Variants in GPM6A observed in about 807,000 individuals in gnomAD.
GPM6A encodes the protein neuronal membrane glycoprotein M6-a.
Under a neutral mutation model 32.1 loss-of-function variants are expected in GPM6A, and 7 were observed. The ratio of observed to expected loss-of-function variants is 0.22; its 90% confidence interval spans 0.12 to 0.41. The LOEUF is 0.41. Ranked by LOEUF, GPM6A falls within the 10% of genes least tolerant of loss-of-function variation. GPM6A has a pLI of 1.00. For missense variants in GPM6A, 235 were observed against 347.2 expected (o/e 0.68, Z 2.57); for synonymous variants, 130 against 123.4 (o/e 1.05, Z -0.35).
intron 1 of GPM6A, among the ~76,000 whole-genome samples, chr4:175,854,299 G>A (rs1038789581): frequency 2.0e-5 from 3 of 152,042 alleles, no homozygotes; most frequent in South Asian, 2.1e-4. Flanking sequence ...ATGAAGGCTC[G>A]AACTAAAAGA....
At chr4:175,649,011 A>G (rs1741630829) in intron 4 of GPM6A, among the ~76,000 whole-genome samples, 1 of 152,186 alleles carries the variant, frequency 6.6e-6, no homozygotes, top group African/African-American at 2.4e-5. Context: ...TGGTTTACTC[A>G]AGATTATAGT....
At chr4:175,853,703 G>A (rs574617047) in intron 1 of GPM6A, among the ~76,000 whole-genome samples, 1 of 152,024 alleles carries the variant, frequency 6.6e-6, no homozygotes, top group African/African-American at 2.4e-5. Flanking sequence ...AATAAGAGTT[G>A]TGGCAACTTG....
At chr4:175,637,288 A>T (rs71644867) in intron 6 of GPM6A, among the ~76,000 whole-genome samples, 20,445 of 50,532 alleles carry the variant, frequency 0.4, 3,735 homozygotes, top group East Asian at 0.57. Context: ...ATATTATATA[A>T]AATATATATT....
At chr4:175,992,624 C>A (rs1741186947) in intron 1 of GPM6A, among the ~76,000 whole-genome samples, 1 of 152,184 alleles carries the variant, frequency 6.6e-6, no homozygotes, top group African/African-American at 2.4e-5. Context: ...CAATTATCTC[C>A]TGACTCCTAG....
At chr4:175,829,454 T>C (rs1440861968) in intron 1 of GPM6A, among the ~76,000 whole-genome samples, 2 of 105,872 alleles carry the variant, frequency 1.9e-5, no homozygotes. Context: ...GTAACCTACT[T>C]AAGTTAAATA....
intron 2 of GPM6A, among the ~76,000 whole-genome samples, chr4:175,684,823 C>T (rs1048143510): frequency 1.5e-4 from 23 of 152,112 alleles, no homozygotes; most frequent in African/African-American, 5.5e-4. Flanking sequence ...TCTCATAGCT[C>T]TCCCTTCTTT....
chr4:175,706,317 C>G (rs1745190442), intron 1 of GPM6A, among the ~76,000 whole-genome samples: 1 of 152,130 alleles, frequency 6.6e-6, no homozygotes. Context: ...TCCATTTAAA[C>G]ATTGTGAAGT....
At chr4:175,969,321 T>C (rs533714939) in intron 1 of GPM6A, among the ~76,000 whole-genome samples, 1 of 152,274 alleles carries the variant, frequency 6.6e-6, no homozygotes, top group East Asian at 1.9e-4. Context: ...TGTACAATAC[T>C]CTAATAGTAG....
chr4:175,643,139 C>T (rs189533542), intron 4 of GPM6A, among the ~76,000 whole-genome samples: 1 of 152,152 alleles, frequency 6.6e-6, no homozygotes, highest in African/African-American at 2.4e-5. Flanking sequence ...CTCATCCAAG[C>T]CACCAAAATC....
rs369907502 is a variant in GPM6A at position 175,713,470 on chromosome 4, T to C, written c.38-11703A>G. Among the ~76,000 whole-genome samples the C allele has an allele frequency of 7.5e-3, 1,139 of 152,256 alleles. 14 individuals are homozygous for C. The highest frequency in any genetic ancestry group is 0.026 in the African/African-American group (1,084 of 41,554). ...CCTCCCAAAGTGCTGGGATTACAGG[T>C]GTGAGCCACGGAGCCCTGCCTGATA... On this transcript the variant is annotated intron_variant, in intron 1 of 6. Transcript: ENST00000393658.
At chr4:175,919,138 A>G (rs1440951871) in intron 1 of GPM6A, among the ~76,000 whole-genome samples, 1 of 152,184 alleles carries the variant, frequency 6.6e-6, no homozygotes. Flanking sequence ...TCTTCTCATT[A>G]AGGACTGCTG....
chr4:175,934,714 C>G (rs754551866), intron 1 of GPM6A, among the ~76,000 whole-genome samples: 1 of 152,148 alleles, frequency 6.6e-6, no homozygotes. Context: ...TTTCACAGAA[C>G]GCGAGGGTAA....
intron 6 of GPM6A, among the ~76,000 whole-genome samples, chr4:175,636,800 A>C (rs1360244179): frequency 6.8e-6 from 1 of 147,070 alleles, no homozygotes; most frequent in Non-Finnish European, 1.5e-5. Context: ...GTCTCAAAAA[A>C]ATACATATAT....
intron 1 of GPM6A, among the ~76,000 whole-genome samples, chr4:175,990,605 T>C (rs549781986): frequency 6.6e-6 from 1 of 151,704 alleles, no homozygotes; most frequent in Non-Finnish European, 1.5e-5. Context: ...GAGTCAACAC[T>C]AAAATAAATT....
intron 1 of GPM6A, among the ~76,000 whole-genome samples, chr4:175,752,657 A>G (rs943521738): frequency 6.6e-5 from 10 of 152,210 alleles, no homozygotes; most frequent in Non-Finnish European, 1.5e-4. Flanking sequence ...GACACATAAT[A>G]AAGCAAACCA....
chr4:175,840,662 C>T (rs758652681), intron 1 of GPM6A, among the ~76,000 whole-genome samples: 3 of 151,988 alleles, frequency 2.0e-5, no homozygotes, highest in East Asian at 1.9e-4. Flanking sequence ...ACAACAAGAG[C>T]GAAACTCCAT....
chr4:175,984,089 G>C (rs1345519612), intron 1 of GPM6A, among the ~76,000 whole-genome samples: 1 of 151,704 alleles, frequency 6.6e-6, no homozygotes, highest in African/African-American at 2.4e-5. Flanking sequence ...AGCATTTCTT[G>C]ATATATTTAT....
intron 1 of GPM6A, chr4:175,808,897 G>A (rs886071485): frequency 6.6e-6 from 1 of 152,242 alleles, no homozygotes; most frequent in Non-Finnish European, 1.5e-5. Context: ...GTTTGGAACA[G>A]TTCAGCCAAT....
chr4:175,835,740 T>A (rs1288933528), intron 1 of GPM6A, among the ~76,000 whole-genome samples: 1 of 147,426 alleles, frequency 6.8e-6, no homozygotes, highest in Non-Finnish European at 1.5e-5. Flanking sequence ...ATATAATATA[T>A]TATTTTTTCA....
Sources: allele counts gnomAD v4.1 joint callset (sites outside exome capture counted in the v4.1 genomes callset), GRCh38; gene constraint gnomAD v4.1.1; transcripts MANE v1.5; gene names NCBI Gene and HGNC (gene_info 2026-07-23, HGNC 2026-07-21).